The following GABRG2 variants were observed in gnomAD, a reference collection of about 807,000 sequenced individuals.
The protein encoded by GABRG2 is gamma-aminobutyric acid receptor subunit gamma-2.
A neutral mutation model predicts 56.4 loss-of-function variants in GABRG2; 16 were observed. The observed-to-expected ratio is 0.28, with a 90% CI of 0.19 to 0.43. GABRG2 has a LOEUF of 0.43. Among genes scored for constraint, GABRG2 ranks in the 20% least tolerant of loss-of-function variants. GABRG2 has a pLI of 1.00. For synonymous variants in GABRG2, 208 were observed against 205.5 expected (o/e 1.01, Z -0.10); for missense variants, 327 against 582.7 (o/e 0.56, Z 4.52).
At chr5:162,126,706 C>G (rs1275905798) in intron 6 of GABRG2, among the ~76,000 whole-genome samples, 1 of 151,954 alleles carries the variant, frequency 6.6e-6, no homozygotes, top group Admixed American at 6.6e-5. Context: ...ATTATAGCCA[C>G]ATGAACTGTT....
intron 6 of GABRG2, among the ~76,000 whole-genome samples, chr5:162,137,696 CTCTT>C (rs1278577467): frequency 2.6e-5 from 4 of 152,044 alleles, no homozygotes; most frequent in African/African-American, 9.7e-5. Flanking sequence ...AGTTAGAGCA[CTCTT>C]TCTTTTTCTT....
intron 1 of GABRG2, among the ~76,000 whole-genome samples, chr5:162,071,146 AATGTGT>A (rs1758644842): frequency 6.6e-6 from 1 of 151,606 alleles, no homozygotes; most frequent in South Asian, 2.1e-4. Flanking sequence ...TACATATATA[AATGTGT>A]ATGTGATTAT....
intron 1 of GABRG2, among the ~76,000 whole-genome samples, chr5:162,072,346 G>C (rs1008276785): frequency 3.6e-4 from 55 of 152,056 alleles, no homozygotes; most frequent in African/African-American, 1.3e-3. Flanking sequence ...AGGCTTTACT[G>C]GAATTATACA....
intron 6 of GABRG2, among the ~76,000 whole-genome samples, chr5:162,125,308 T>G (rs944963055): frequency 6.6e-6 from 1 of 151,780 alleles, no homozygotes; most frequent in Non-Finnish European, 1.5e-5. Context: ...GGATATTCAT[T>G]TTTACCCTGT....
chr5:162,149,506 T>C, intron 8 of GABRG2, 193 bp downstream of exon 8: 1 of 740,316 alleles, frequency 1.4e-6, no homozygotes, highest in South Asian at 1.4e-5. Flanking sequence ...TCTGTTTCTA[T>C]TTTCTGTGTC....
At chr5:162,088,414 A>G (rs964594174) in intron 1 of GABRG2, among the ~76,000 whole-genome samples, 1 of 152,164 alleles carries the variant, frequency 6.6e-6, no homozygotes, top group African/African-American at 2.4e-5. Flanking sequence ...ATTGCTGTCC[A>G]AACAGAGGGA....
intron 1 of GABRG2, among the ~76,000 whole-genome samples, chr5:162,074,605 A>G (rs573137627): frequency 3.3e-5 from 5 of 152,242 alleles, no homozygotes; most frequent in South Asian, 2.1e-4. Context: ...TTGATAGGAA[A>G]AAATGATTGA....
chr5:162,153,159 G>C lies in GABRG2; in HGVS notation c.1219G>C (p.Glu407Gln). 6.2e-7 allele frequency: 1 copy of C among 1,614,088 alleles called. No homozygotes were observed. Residue 407 changes from glutamate (E) to glutamine (Q), a missense_variant, in exon 10 of 10, where the codon GAG becomes CAG. This residue lies in a region of GABRG2 where 108 missense variants were observed against 144.2 expected (regional missense o/e 0.75). Coordinates refer to ENST00000639213, the MANE Select transcript of GABRG2 (RefSeq NM_198904.4). Reference protein sequence around the residue: ...IQMNNATHLQERDEEYGYECL... With the variant: ...IQMNNATHLQQRDEEYGYECL... ...AATGAATAATGCTACACACCTTCAA[G>C]AGAGAGATGAAGAGTACGGCTATGA...
intron 6 of GABRG2, among the ~76,000 whole-genome samples, chr5:162,130,142 A>G (rs1225708922): frequency 1.3e-5 from 2 of 152,006 alleles, no homozygotes; most frequent in Non-Finnish European, 2.9e-5. Context: ...TTTTTAACAG[A>G]TATCTTAAAA....
At chr5:162,102,819 G>T in intron 5 of GABRG2, 1 of 237,256 alleles carries the variant, frequency 4.2e-6, no homozygotes. Context: ...TCCCTTCTAG[G>T]GACTCTCTCT....
chr5:162,095,209 G>T (rs1187104515), intron 2 of GABRG2, among the ~76,000 whole-genome samples: 1 of 152,138 alleles, frequency 6.6e-6, no homozygotes, highest in African/African-American at 2.4e-5. Context: ...ATGGAGAAAA[G>T]CTAAGAGCAG....
chr5:162,115,430 G>A (rs1762548655), intron 6 of GABRG2, among the ~76,000 whole-genome samples: 1 of 152,122 alleles, frequency 6.6e-6, no homozygotes, highest in African/African-American at 2.4e-5. Context: ...GAAATTAACA[G>A]ATTTACTTTG....
At chr5:162,110,350 C>T (rs1301719973) in intron 6 of GABRG2, among the ~76,000 whole-genome samples, 1 of 152,100 alleles carries the variant, frequency 6.6e-6, no homozygotes, top group Non-Finnish European at 1.5e-5. Flanking sequence ...TACTATGTTA[C>T]ACCTATCCCA....
chr5:162,150,371 G>A (rs1325281433), intron 8 of GABRG2: 1 of 152,214 alleles, frequency 6.6e-6, no homozygotes, highest in Non-Finnish European at 1.5e-5. Flanking sequence ...TGACTTCAGT[G>A]CCACAATTTG....
chr5:162,109,851 A>G (rs2113411139), intron 6 of GABRG2, among the ~76,000 whole-genome samples: 1 of 152,188 alleles, frequency 6.6e-6, no homozygotes, highest in African/African-American at 2.4e-5. Context: ...GTGGGCTAGA[A>G]AAGTGGACAA....
At chr5:162,101,530 C>T in intron 5 of GABRG2, 1 of 566,876 alleles carries the variant, frequency 1.8e-6, no homozygotes, top group Non-Finnish European at 3.1e-6. Context: ...TTAAGAATTA[C>T]AATAGGTTTC....
At chr5:162,152,406 C>A in intron 9 of GABRG2, 2 of 446,978 alleles carry the variant, frequency 4.5e-6, no homozygotes, top group South Asian at 1.7e-5. Flanking sequence ...CATTTAGTTG[C>A]ATAGAAATTT....
intron 6 of GABRG2, among the ~76,000 whole-genome samples, chr5:162,136,306 A>G (rs906795716): frequency 2.8e-4 from 42 of 152,212 alleles, no homozygotes; most frequent in Non-Finnish European, 1.5e-5. Flanking sequence ...GAACTGCTCT[A>G]CAATCTGTAC....
At chr5:162,111,970 G>A (rs1208091166) in intron 6 of GABRG2, among the ~76,000 whole-genome samples, 1 of 152,010 alleles carries the variant, frequency 6.6e-6, no homozygotes, top group Non-Finnish European at 1.5e-5. Flanking sequence ...ACTTAATTTA[G>A]CAATTATATC....
Sources: gnomAD v4.1 joint callset for allele counts (sites outside exome capture counted in the v4.1 genomes callset) on GRCh38, gnomAD v4.1.1 for gene constraint, gnomAD v4.1.1 regional missense constraint, MANE v1.5 for transcripts, NCBI Gene and HGNC (gene_info 2026-07-23, HGNC 2026-07-21) for gene names.